ZNF605: variants seen among roughly 807,000 people sequenced by gnomAD.
ZNF605 encodes zinc finger protein 605.
In ZNF605, 9 loss-of-function variants were observed where a neutral mutation model predicts 7.9. The observed-to-expected ratio is 1.14, with a 90% confidence interval of 0.68 to 1.98. The LOEUF is 1.98. ZNF605 is among the 30% of genes most tolerant of loss of function. The probability of loss-of-function intolerance (pLI) is 0.00; values close to 1 mark genes in which losing one functional copy is unlikely to be tolerated. For synonymous variants in ZNF605, 255 were observed against 260.1 expected, an observed-to-expected ratio of 0.98 and a Z score of 0.19; for missense variants, 673 against 762.4, an observed-to-expected ratio of 0.88 and a Z score of 1.38.
chr12:132,921,673 A>G lies in ZNF605; in HGVS notation c.*3700T>C, dbSNP rs1952206655. 6.6e-6 allele frequency: 1 copy of G among 152,268 alleles called. No homozygotes were observed. Among genetic ancestry groups the G allele is most frequent in the Admixed American group, 6.5e-5 (1 of 15,282 alleles). 9.4% of individuals were successfully genotyped at this position (152,268 alleles called of 1,614,324 possible). A position where few individuals can be genotyped will look rare whatever the true frequency, so the allele number is the denominator to read the frequency against. Reference sequence around the variant, plus strand: ...ATGAAGCCTCCTGGCATTGTCGGAAATAGAAAACATGTATAAAAATCTTCG... The same window carrying G: ...ATGAAGCCTCCTGGCATTGTCGGAAGTAGAAAACATGTATAAAAATCTTCG... On this transcript the variant is annotated 3_prime_UTR_variant, in exon 5 of 5. Transcript: ENST00000360187.
Position 132,933,121 on chromosome 12 carries a change from A to C in ZNF605, c.50T>G (p.Leu17Arg). 6.2e-7 allele frequency: 1 copy of C among 1,611,980 alleles called. No homozygotes were observed. Among genetic ancestry groups the C allele is most frequent in the Non-Finnish European group, 8.5e-7 (1 of 1,178,602 alleles). ...AGGATTAAGTAGCTGCCATTCCTCC[A>C]GCGTGAAATCCACAGCCACATCCTC... Reference protein sequence around the residue: ...SFEDVAVDFTLEEWQLLNPTQ... With the variant: ...SFEDVAVDFTREEWQLLNPTQ... The change falls in exon 4 of 5, where the codon CTG becomes CGG. Residue 17 changes from leucine to arginine, a missense_variant. By Grantham distance (102) the Leu-to-Arg change is moderately radical. Transcript: ENST00000360187. The surrounding 1 kb of genome is among the most constrained non-coding windows in gnomAD (Gnocchi z 4.4).
At chr12:132,955,655 CGGCA>C (rs1952629136) in intron 1 of ZNF605, among the ~76,000 whole-genome samples, 2 of 152,072 alleles carry the variant, frequency 1.3e-5, no homozygotes, top group African/African-American at 4.8e-5. Flanking sequence ...CTGTCACAGC[CGGCA>C]GGCTTTCCAG....
At chr12:132,937,988 A>G (rs1054542226) in intron 3 of ZNF605, among the ~76,000 whole-genome samples, 1 of 149,894 alleles carries the variant, frequency 6.7e-6, no homozygotes. Flanking sequence ...TTATTTATTT[A>G]TTATTTATTT....
At chr12:132,939,473 C>G (rs1167395906) in intron 3 of ZNF605, among the ~76,000 whole-genome samples, 1 of 152,066 alleles carries the variant, frequency 6.6e-6, no homozygotes, top group African/African-American at 2.4e-5. Flanking sequence ...GTGAATGCAC[C>G]AATTGACACT....
At chr12:132,932,590 C>A (rs947665721) in intron 4 of ZNF605, 8 of 624,366 alleles carry the variant, frequency 1.3e-5, no homozygotes, top group South Asian at 4.7e-5. Context: ...AATCTTGAGT[C>A]AACTCTAAAG....
intron 4 of ZNF605, among the ~76,000 whole-genome samples, chr12:132,927,604 T>C (rs927065168): frequency 6.6e-6 from 1 of 152,004 alleles, no homozygotes; most frequent in Non-Finnish European, 1.5e-5. Context: ...GACCTCGTGA[T>C]CCACCCGCCT....
chr12:132,942,406 G>T (rs1249500593), intron 3 of ZNF605, among the ~76,000 whole-genome samples: 1 of 152,160 alleles, frequency 6.6e-6, no homozygotes, highest in Non-Finnish European at 1.5e-5. Context: ...TTGGCTCCTG[G>T]GCTCTGTGCA....
intron 4 of ZNF605, among the ~76,000 whole-genome samples, chr12:132,927,759 C>T (rs1014649806): frequency 6.6e-6 from 1 of 151,842 alleles, no homozygotes; most frequent in Non-Finnish European, 1.5e-5. Context: ...CGGGTTCAAG[C>T]GATTCTCCTG....
At chr12:132,929,044 C>A (rs73157097) in intron 4 of ZNF605, among the ~76,000 whole-genome samples, 14,043 of 151,010 alleles carry the variant, frequency 0.093, 1,221 homozygotes, top group African/African-American at 0.23. Context: ...CAAAACAAAA[C>A]AAAAAAACCC....
chr12:132,947,019 GT>G (rs55636931), intron 2 of ZNF605, among the ~76,000 whole-genome samples: 107,753 of 150,116 alleles, frequency 0.72, 39,279 homozygotes, highest in South Asian at 0.84. Flanking sequence ...TTTTTTTTTG[GT>G]TTTTTTTTTG....
At chr12:132,950,347 A>C (rs1296709837) in intron 1 of ZNF605, among the ~76,000 whole-genome samples, 3 of 152,078 alleles carry the variant, frequency 2.0e-5, no homozygotes, top group East Asian at 1.9e-4. Flanking sequence ...CTCTCACCCC[A>C]CACACACTGA....
intron 3 of ZNF605, among the ~76,000 whole-genome samples, chr12:132,942,851 G>A (rs1004807447): frequency 5.9e-5 from 9 of 152,212 alleles, no homozygotes; most frequent in African/African-American, 1.7e-4. Flanking sequence ...GGCAACTGCC[G>A]AGGTGACTGC....
At chr12:132,938,300 T>C (rs1952389731) in intron 3 of ZNF605, among the ~76,000 whole-genome samples, 1 of 150,246 alleles carries the variant, frequency 6.7e-6, no homozygotes, top group Non-Finnish European at 1.5e-5. Context: ...ATTTTTTTAT[T>C]TTTATTTTTT....
At chr12:132,940,250 G>A (rs1248525758) in intron 3 of ZNF605, among the ~76,000 whole-genome samples, 1 of 152,188 alleles carries the variant, frequency 6.6e-6, no homozygotes, top group African/African-American at 2.4e-5. Context: ...CCACAGAGGG[G>A]CCTCACAGAC....
chr12:132,923,294 T>C lies in ZNF605; in HGVS notation c.*2079A>G, dbSNP rs1401290467. On this transcript the variant is annotated 3_prime_UTR_variant, in exon 5 of 5. Transcript: ENST00000360187. Reference sequence around the variant, plus strand: ...CACCATTTTCAGAACTTCATTCCTTTGTACAGACCCAAACTTAAGTTTTGT... The same window carrying C: ...CACCATTTTCAGAACTTCATTCCTTCGTACAGACCCAAACTTAAGTTTTGT... The C allele has an allele frequency of 6.6e-6, 1 of 152,242 alleles. No individual in the cohort carries two copies. Among genetic ancestry groups the C allele is most frequent in the Non-Finnish European group, 1.5e-5 (1 of 68,050 alleles). The allele number at this position is 152,242 out of a possible 1,614,324, so 9.4% of individuals were successfully genotyped here.
intron 3 of ZNF605, among the ~76,000 whole-genome samples, chr12:132,935,071 G>A (rs962046810): frequency 3.3e-5 from 5 of 152,134 alleles, no homozygotes; most frequent in Non-Finnish European, 7.3e-5. Flanking sequence ...CGGTGGGAAT[G>A]GTCCTGGCCT....
Position 132,926,556 on chromosome 12 carries a change from G to A in ZNF605, c.743C>T (p.Thr248Ile). Residue 248 changes from threonine to isoleucine, a missense_variant, in exon 5 of 5, where the codon ACT becomes ATT. Coordinates refer to ENST00000360187, the MANE Select transcript of ZNF605 (RefSeq NM_183238.4). ...SLLILHQRIH[T>I]GEKPYGCSEC... ...ACTGCATCCATACGGCTTCTCTCCA[G>A]TATGAATTCTCTGATGTAAAATGAG... 6.2e-7 allele frequency: 1 copy of A among 1,614,186 alleles called. No homozygotes were observed. Among genetic ancestry groups the A allele is most frequent in the Non-Finnish European group, 8.5e-7 (1 of 1,180,042 alleles).
chr12:132,950,709 ACACT>A (rs374870230), intron 1 of ZNF605, among the ~76,000 whole-genome samples: 3,602 of 150,692 alleles, frequency 0.024, 135 homozygotes, highest in African/African-American at 0.081. Flanking sequence ...ACATGCACAC[ACACT>A]CACAGATATG....
At chr12:132,936,226 GA>G (rs1057500233) in intron 3 of ZNF605, among the ~76,000 whole-genome samples, 3 of 151,782 alleles carry the variant, frequency 2.0e-5, no homozygotes, top group Admixed American at 2.0e-4. Flanking sequence ...AAGCAGATTT[GA>G]AAAAAATGAA....
Sources: allele counts gnomAD v4.1 joint callset (sites outside exome capture counted in the v4.1 genomes callset), GRCh38; gene constraint gnomAD v4.1.1; non-coding constraint Gnocchi (gnomAD v3.1); transcripts MANE v1.5; gene names NCBI Gene and HGNC (gene_info 2026-07-23, HGNC 2026-07-21).